Variants in DSE observed in about 807,000 individuals in gnomAD.
The protein encoded by DSE is dermatan sulfate epimerase.
Under a neutral mutation model 84.4 loss-of-function variants are expected in DSE, and 36 were observed. That is an observed-to-expected ratio of 0.43 (90% CI 0.33 to 0.56). The LOEUF is 0.56. Ranked by LOEUF, DSE falls within the 20% of genes least tolerant of loss-of-function variation. The probability of loss-of-function intolerance (pLI) is 0.06; values close to 1 mark genes in which losing one functional copy is unlikely to be tolerated. For missense variants in DSE, 862 were observed against 1,169.6 expected (o/e 0.74, Z 3.84); for synonymous variants, 410 against 430.1 (o/e 0.95, Z 0.58).
At chr6:116,326,981 C>CATTA (rs1382571870) in intron 2 of DSE, among the ~76,000 whole-genome samples, 1 of 152,190 alleles carries the variant, frequency 6.6e-6, no homozygotes, top group Non-Finnish European at 1.5e-5. Flanking sequence ...AACCTTCACC[C>CATTA]ATTAGGCTGT....
intron 2 of DSE, chr6:116,279,845 G>A (rs762004086): frequency 4.2e-5 from 68 of 1,613,012 alleles, no homozygotes; most frequent in Middle Eastern, 3.3e-4. Context: ...CTAACAGTCG[G>A]ACCAACCGCA....
At chr6:116,403,578 T>A (rs1043234384) in intron 2 of DSE, among the ~76,000 whole-genome samples, 5 of 152,148 alleles carry the variant, frequency 3.3e-5, no homozygotes, top group Non-Finnish European at 7.3e-5. Context: ...AGACATTGAC[T>A]GGACAAGGAA....
At chr6:116,344,113 T>G (rs975220409) in intron 2 of DSE, among the ~76,000 whole-genome samples, 1 of 152,130 alleles carries the variant, frequency 6.6e-6, no homozygotes, top group Non-Finnish European at 1.5e-5. Context: ...GAACAAAGCC[T>G]CCAAGAAATA....
chr6:116,326,644 G>T (rs1000378094), intron 2 of DSE, among the ~76,000 whole-genome samples: 7 of 152,148 alleles, frequency 4.6e-5, no homozygotes, highest in African/African-American at 1.7e-4. Context: ...CGAGAAAACT[G>T]TTAGGTTCTC....
intron 1 of DSE, among the ~76,000 whole-genome samples, chr6:116,388,837 T>A (rs769853800): frequency 2.0e-4 from 30 of 152,190 alleles, no homozygotes; most frequent in Non-Finnish European, 8.8e-5. Context: ...GATTGGTAAT[T>A]GCTTTTTTCC....
intron 2 of DSE, among the ~76,000 whole-genome samples, chr6:116,263,506 G>A (rs1772499513): frequency 6.6e-6 from 1 of 152,036 alleles, no homozygotes; most frequent in Non-Finnish European, 1.5e-5. Flanking sequence ...CATTGCATGT[G>A]AGATGGGTCT....
intron 1 of DSE, chr6:116,375,601 T>A (rs1473239244): frequency 2.1e-6 from 2 of 959,906 alleles, no homozygotes; most frequent in Non-Finnish European, 2.5e-6. Flanking sequence ...GAAGAGTGGC[T>A]TGATTAGTTG....
intron 2 of DSE, among the ~76,000 whole-genome samples, chr6:116,337,520 G>A (rs2114807920): frequency 6.6e-6 from 1 of 152,272 alleles, no homozygotes; most frequent in South Asian, 2.1e-4. Flanking sequence ...TGTGGCAGGA[G>A]AGTTGCTTTT....
intron 1 of DSE, among the ~76,000 whole-genome samples, chr6:116,377,012 A>T (rs1779967382): frequency 6.6e-6 from 1 of 152,210 alleles, no homozygotes; most frequent in African/African-American, 2.4e-5. Flanking sequence ...CTCAGTGCGA[A>T]CGATAGCAGA....
chr6:116,382,631 C>A (rs1351253110), intron 1 of DSE, among the ~76,000 whole-genome samples: 14 of 152,112 alleles, frequency 9.2e-5, no homozygotes, highest in Admixed American at 9.2e-4. Flanking sequence ...GGTGATATGT[C>A]ACTGTCCAAA....
intron 1 of DSE, 67 bp downstream of exon 1, chr6:116,371,188 C>T: frequency 2.0e-6 from 2 of 985,446 alleles, no homozygotes; most frequent in Non-Finnish European, 2.4e-6. Flanking sequence ...GAGTTTCGGG[C>T]GGGTAGCCTT....
intron 2 of DSE, among the ~76,000 whole-genome samples, chr6:116,286,388 C>T (rs1773907671): frequency 1.3e-5 from 2 of 152,192 alleles, no homozygotes; most frequent in Admixed American, 1.3e-4. Flanking sequence ...TATCCACAAG[C>T]ATATTAATAT....
intron 2 of DSE, among the ~76,000 whole-genome samples, chr6:116,345,824 C>G (rs148254370): frequency 6.6e-6 from 1 of 151,992 alleles, no homozygotes; most frequent in Non-Finnish European, 1.5e-5. Context: ...ATCAATGAAT[C>G]CAGGAGCAGG....
intron 2 of DSE, among the ~76,000 whole-genome samples, chr6:116,409,656 T>TA (rs1782186636): frequency 6.6e-6 from 1 of 152,226 alleles, no homozygotes; most frequent in African/African-American, 2.4e-5. Context: ...CAAGACGTGT[T>TA]ATGTATCTCT....
chr6:116,279,818 C>T, intron 2 of DSE: 1 of 1,613,044 alleles, frequency 6.2e-7, no homozygotes, highest in South Asian at 1.1e-5. Flanking sequence ...TTGACCCCAT[C>T]CAGGCCGCTC....
At chr6:116,382,536 T>C (rs1431762747) in intron 1 of DSE, among the ~76,000 whole-genome samples, 5 of 152,208 alleles carry the variant, frequency 3.3e-5, no homozygotes, top group Non-Finnish European at 7.4e-5. Context: ...CTGTGACTTA[T>C]TTCTGTCTAG....
At chr6:116,261,953 T>C (rs1772432988) in intron 2 of DSE, among the ~76,000 whole-genome samples, 1 of 152,218 alleles carries the variant, frequency 6.6e-6, no homozygotes, top group Non-Finnish European at 1.5e-5. Context: ...GCCTGCTTGA[T>C]CATGGTGGAT....
Position 116,258,815 on chromosome 6 carries a change from G to A in DSE, c.-206G>A, listed in dbSNP as rs1450398253. 6 of 1,608,182 alleles carry A rather than the reference G, an allele frequency of 3.7e-6. No individual in the cohort carries two copies. The Admixed American group carries it at 6.7e-5, about 18-fold the overall frequency. Reference sequence around the variant, plus strand: ...AGAGGGTTCTCGCCTGTGAGCAGGTGTATGACCTCGAAGGCATGCTTGACG... The same window carrying A: ...AGAGGGTTCTCGCCTGTGAGCAGGTATATGACCTCGAAGGCATGCTTGACG... On this transcript the variant is annotated 5_prime_UTR_variant, in exon 2 of 4. Transcript: ENST00000430252.
chr6:116,260,211 T>TA (rs1161153719), intron 2 of DSE, among the ~76,000 whole-genome samples: 1 of 152,216 alleles, frequency 6.6e-6, no homozygotes, highest in African/African-American at 2.4e-5. Flanking sequence ...CATTGTGGTT[T>TA]TGTTTGCATT....
Sources: allele counts gnomAD v4.1 joint callset (sites outside exome capture counted in the v4.1 genomes callset), GRCh38; gene constraint gnomAD v4.1.1; transcripts MANE v1.5; gene names NCBI Gene and HGNC (gene_info 2026-07-23, HGNC 2026-07-21).